Variants in DOCK7 observed in about 807,000 individuals in gnomAD.
DOCK7 encodes dedicator of cytokinesis 7.
A neutral mutation model predicts 271.0 loss-of-function variants in DOCK7; 138 were observed. The observed-to-expected ratio is 0.51, with a 90% confidence interval of 0.44 to 0.59. The LOEUF is 0.59. Among genes scored for constraint, DOCK7 ranks in the 20% least tolerant of loss-of-function variants. The pLI, the probability that DOCK7 is intolerant of heterozygous loss-of-function variation, is 0.00. For synonymous variants in DOCK7, 823 were observed against 876.1 expected (o/e 0.94, Z 1.07); for missense variants, 2,066 against 2,592.4 (o/e 0.80, Z 4.41).
chr1:62,536,734 C>T (rs930205045), intron 28 of DOCK7, among the ~76,000 whole-genome samples: 5 of 151,866 alleles, frequency 3.3e-5, no homozygotes, highest in Non-Finnish European at 7.4e-5. Context: ...ATATTGAAAA[C>T]AAAATTAAGA....
At chr1:62,604,967 C>T (rs1485796920) in intron 14 of DOCK7, 7 of 729,980 alleles carry the variant, frequency 9.6e-6, no homozygotes, top group East Asian at 2.7e-5. Context: ...ATTAAACATA[C>T]AATCACATAA....
intron 1 of DOCK7, among the ~76,000 whole-genome samples, chr1:62,669,341 A>T (rs1659668795): frequency 6.6e-6 from 1 of 152,234 alleles, no homozygotes; most frequent in Non-Finnish European, 1.5e-5. Flanking sequence ...AACAGTAGTT[A>T]TGCAACCCAT....
chr1:62,634,955 A>ACAT, intron 8 of DOCK7, 33 bp from the exon 9 acceptor site: 1 of 1,477,752 alleles, frequency 6.8e-7, no homozygotes, highest in Non-Finnish European at 9.3e-7. Context: ...ACTTTAAAAT[A>ACAT]TGTACATTTT....
chr1:62,625,027 T>C (rs1653768079), intron 12 of DOCK7: 1 of 359,260 alleles, frequency 2.8e-6, no homozygotes, highest in African/African-American at 2.1e-5. Flanking sequence ...TTTTGATGCA[T>C]TATTAGTCAT....
intron 2 of DOCK7, 23 bp from the exon 3 acceptor site, chr1:62,654,182 A>G (rs1657713014): frequency 6.3e-7 from 1 of 1,591,880 alleles, no homozygotes; most frequent in East Asian, 2.2e-5. Context: ...TTGGGATAAG[A>G]GATGGGTAGA....
intron 14 of DOCK7, among the ~76,000 whole-genome samples, chr1:62,596,841 A>AAC (rs746829133): frequency 1.3e-5 from 2 of 152,310 alleles, no homozygotes; most frequent in South Asian, 4.1e-4. Context: ...AAGAGCCTAG[A>AAC]ACACAGAGAC....
intron 36 of DOCK7, among the ~76,000 whole-genome samples, chr1:62,505,413 T>C (rs1017848387): frequency 4.6e-5 from 7 of 152,196 alleles, no homozygotes; most frequent in African/African-American, 1.7e-4. Flanking sequence ...GATTGGCTAT[T>C]AATTTCAGGC....
intron 31 of DOCK7, among the ~76,000 whole-genome samples, chr1:62,523,210 T>C (rs1003713128): frequency 2.0e-5 from 3 of 152,164 alleles, no homozygotes; most frequent in Non-Finnish European, 2.9e-5. Flanking sequence ...TTTATGTAGA[T>C]ATACAAAGGG....
In DOCK7 at chr1:62,631,231, C is replaced by T. The variant is rs1289289688; in HGVS notation, c.1282+9G>A. 6.4e-7 allele frequency: 1 copy of T among 1,563,266 alleles called. No individual in the cohort carries two copies. Among genetic ancestry groups the T allele is most frequent in the East Asian group, 2.3e-5 (1 of 43,162 alleles). On this transcript the variant is annotated intron_variant, in intron 11 of 49. Transcript: ENST00000635253. ...ACATTTAGAAATGTTTTGTATGAAA[C>T]ACTCTTACCTCCAGTACTGATTTCT...
chr1:62,577,571 C>T (rs1021104207), intron 17 of DOCK7, among the ~76,000 whole-genome samples: 1 of 152,012 alleles, frequency 6.6e-6, no homozygotes, highest in African/African-American at 2.4e-5. Context: ...AGGAGGATAT[C>T]ACCAAAACAT....
At chr1:62,526,908 G>A (rs1645026786) in intron 31 of DOCK7, among the ~76,000 whole-genome samples, 2 of 152,160 alleles carry the variant, frequency 1.3e-5, no homozygotes, top group Admixed American at 6.5e-5. Flanking sequence ...TCACTCTCTA[G>A]TGCTGGGGTA....
intron 43 of DOCK7, among the ~76,000 whole-genome samples, chr1:62,479,427 C>T (rs1353601933): frequency 1.3e-5 from 2 of 152,076 alleles, no homozygotes; most frequent in Non-Finnish European, 2.9e-5. Context: ...ATTTAACACA[C>T]ATAAAAATTA....
intron 14 of DOCK7, chr1:62,604,611 A>G (rs756766713): frequency 2.5e-6 from 4 of 1,610,350 alleles, no homozygotes; most frequent in Non-Finnish European, 3.4e-6. Flanking sequence ...TACCCATTAA[A>G]TTGCATATCT....
chr1:62,676,807 A>C (rs1350681319), intron 1 of DOCK7, among the ~76,000 whole-genome samples: 3 of 152,242 alleles, frequency 2.0e-5, no homozygotes, highest in African/African-American at 7.2e-5. Flanking sequence ...ATGATGATGC[A>C]AGCATACAGA....
At chr1:62,641,665 C>T (rs368951774) in intron 7 of DOCK7, 5 of 437,060 alleles carry the variant, frequency 1.1e-5, no homozygotes, top group Admixed American at 2.4e-5. Context: ...CCACAATGGC[C>T]GCTGGGCAAC....
chr1:62,615,546 G>C (rs1366008981), intron 14 of DOCK7, among the ~76,000 whole-genome samples: 3 of 151,656 alleles, frequency 2.0e-5, no homozygotes, highest in Non-Finnish European at 4.4e-5. Flanking sequence ...GCCCTAATCT[G>C]AAATCAATTC....
intron 21 of DOCK7, among the ~76,000 whole-genome samples, chr1:62,553,340 ATATATATATATATATTTTTTT>A (rs1645998874): frequency 1.3e-3 from 11 of 8,388 alleles, no homozygotes; most frequent in Admixed American, 2.3e-3. Flanking sequence ...ATATATATAT[ATATATATATATATATTTTTTT>A]TTTTTTTTTT....
chr1:62,474,017 A>C lies in DOCK7; in HGVS notation c.6177T>G (p.Asn2059Lys). The change falls in exon 48 of 50, where the codon AAT becomes AAG. Residue 2059 changes from asparagine (N) to lysine (K), a missense_variant. This residue lies in a region of DOCK7 where 652 missense variants were observed against 922.1 expected (regional missense o/e 0.71). Transcript: ENST00000635253. ...AATCTTTAAAGCAGAGTCGCAGTTT[A>C]TTATGATGTCTGAAGAGCTTTGGGT... ...PSDPKLFRHH[N>K]KLRLCFKDFT... is the part of the protein sequence containing the mutation. 1 of 1,614,086 alleles carries C rather than the reference A, an allele frequency of 6.2e-7. No homozygotes were observed. The highest frequency in any genetic ancestry group is 8.5e-7 in the Non-Finnish European group (1 of 1,179,968).
chr1:62,476,967 C>T (rs965998331), intron 44 of DOCK7: 1 of 152,108 alleles, frequency 6.6e-6, no homozygotes, highest in African/African-American at 2.4e-5. Flanking sequence ...AGAATAAAAA[C>T]AAGCCCAGAG....
Sources: gnomAD v4.1 joint callset for allele counts (sites outside exome capture counted in the v4.1 genomes callset) on GRCh38, gnomAD v4.1.1 for gene constraint, gnomAD v4.1.1 regional missense constraint, MANE v1.5 for transcripts, NCBI Gene and HGNC (gene_info 2026-07-23, HGNC 2026-07-21) for gene names.